Variants in CUL9 observed in about 807,000 individuals in gnomAD.
The protein encoded by CUL9 is cullin 9.
A neutral mutation model predicts 272.6 loss-of-function variants in CUL9; 79 were observed. That is an observed-to-expected ratio of 0.29 (90% confidence interval 0.24 to 0.35). The LOEUF (loss-of-function observed/expected upper bound fraction) is 0.35, where lower values mean the gene tolerates loss of function less well. CUL9 is among the 10% of genes least tolerant of loss of function. The pLI is 1.00. For missense variants in CUL9, 2,532 were observed against 3,255.6 expected, an observed-to-expected ratio of 0.78 and a Z score of 5.41; for synonymous variants, 1,186 against 1,286.5, an observed-to-expected ratio of 0.92 and a Z score of 1.67.
rs139036736 is a variant in CUL9, at chr6:43,185,512, A to C, written c.652A>C (p.Met218Leu). ...LSQQDGIEQH[M>L]DFDSRYTLLE... ...CCAGCAAGATGGCATCGAGCAGCACATGGATTTTGACAGTCGCTATACATT... is the reference window on the plus strand; with the variant it reads ...CCAGCAAGATGGCATCGAGCAGCACCTGGATTTTGACAGTCGCTATACATT... The change falls in exon 3 of 41, where the codon ATG (methionine) becomes CTG (leucine). Residue 218 changes from methionine to leucine, a missense_variant. By Grantham distance (15) the Met-to-Leu change is conservative. Coordinates refer to ENST00000252050, the MANE Select transcript of CUL9 (RefSeq NM_015089.4). The C allele has an allele frequency of 2.5e-6, 4 of 1,613,948 alleles. No homozygotes were observed. The highest frequency in any genetic ancestry group is 8.5e-7 in the Non-Finnish European group (1 of 1,180,044).
At chr6:43,198,880 G>A (rs1435929602) in intron 12 of CUL9, 25 bp downstream of exon 12, 1 of 1,602,390 alleles carries the variant, frequency 6.2e-7, no homozygotes, top group Non-Finnish European at 8.5e-7. Flanking sequence ...GAGGCACCAT[G>A]CATTGGGACG....
At position 43,203,826 on chromosome 6, in the gene CUL9, T is replaced by A. The variant is rs753417140; in HGVS notation, c.4026-28T>A. The A allele has an allele frequency of 1.3e-6, 2 of 1,576,694 alleles. No homozygotes were observed. The highest frequency in any genetic ancestry group is 2.7e-5 in the African/African-American group (2 of 74,178). On this transcript the variant is annotated intron_variant, in intron 19 of 40. Transcript: ENST00000252050. The surrounding 1 kb of genome is among the most constrained non-coding windows in gnomAD (Gnocchi z 5.0). ...GCCTCTGGGAAATCGGTGCCATTAA[T>A]CCTCCGCCATGCACTGTTTGTTCCC...
At chr6:43,212,929 G>A (rs955389581) in intron 26 of CUL9, 5 of 532,438 alleles carry the variant, frequency 9.4e-6, no homozygotes, top group South Asian at 5.3e-5. Context: ...AGGGCTAGGC[G>A]CTGGGTCTAG....
rs1776579762 is a variant in CUL9 at position 43,223,790 on chromosome 6, A to C, written c.7285-305A>C. On this transcript the variant is annotated intron_variant, in intron 39 of 40. Coordinates refer to ENST00000252050, the MANE Select transcript of CUL9 (RefSeq NM_015089.4). The surrounding 1 kb of genome is among the most constrained non-coding windows in gnomAD (Gnocchi z 4.1). ...GGCTCTCTCCAGCTCTAATGCACTG[A>C]TGCTGAGTCTAAACTGTGAGTCCTG... is the stretch of plus-strand genomic sequence containing the variant. 5.8e-6 allele frequency: 3 copies of C among 519,130 alleles called. No homozygotes were observed. The highest frequency in any genetic ancestry group is 7.0e-6 in the Non-Finnish European group (2 of 286,272). 32.2% of individuals were successfully genotyped at this position (519,130 alleles called of 1,614,324 possible).
rs139405832 is a variant in CUL9, at chr6:43,209,625, G to A, written c.5212+3115G>A. On this transcript the variant is annotated intron_variant, in intron 26 of 40. Transcript: ENST00000252050. ...GTCTTTTATGACATTGAGATTTCTGGAGAATACGGTCCTTTTCTTTTCTTT... is the reference window on the plus strand; with the variant it reads ...GTCTTTTATGACATTGAGATTTCTGAAGAATACGGTCCTTTTCTTTTCTTT... Among the ~76,000 whole-genome samples the A allele has an allele frequency of 4.6e-5, 7 of 152,024 alleles. No homozygotes were observed. The East Asian group carries it at 1.2e-3, about 25-fold the overall frequency.
chr6:43,197,024 C>T (rs1181582377), intron 11 of CUL9, among the ~76,000 whole-genome samples, 162 bp downstream of exon 11: 1 of 151,994 alleles, frequency 6.6e-6, no homozygotes, highest in Non-Finnish European at 1.5e-5. Context: ...AAGAGGGAGA[C>T]TGTGGAATAT....
chr6:43,196,820 C>G lies in CUL9; in HGVS notation c.2761C>G (p.Leu921Val). 1 of 1,614,216 alleles carries G rather than the reference C, an allele frequency of 6.2e-7. No individual in the cohort carries two copies. Among genetic ancestry groups the G allele is most frequent in the Non-Finnish European group, 8.5e-7 (1 of 1,180,050 alleles). Residue 921 changes from leucine (L) to valine (V), a missense_variant, in exon 11 of 41, where the codon CTC becomes GTC. Leu to Val is a conservative substitution (Grantham distance 32). Transcript: ENST00000252050. ...PTTRTILMML[L>V]NRYSEPPGSP... ...CACACGCACCATCCTCATGATGCTTCTCAATCGCTACTCAGAGCCGCCGGG... is the reference window on the plus strand; with the variant it reads ...CACACGCACCATCCTCATGATGCTTGTCAATCGCTACTCAGAGCCGCCGGG...
chr6:43,196,917 T>C, intron 11 of CUL9, 55 bp downstream of exon 11: 1 of 1,410,758 alleles, frequency 7.1e-7, no homozygotes, highest in South Asian at 1.2e-5. Context: ...CAGCCAGGTT[T>C]ACATATCAGC....
intron 21 of CUL9, 89 bp downstream of exon 21, chr6:43,204,628 G>C: frequency 6.3e-7 from 1 of 1,585,960 alleles, no homozygotes; most frequent in Non-Finnish European, 8.6e-7. Context: ...TTGCTGCTTT[G>C]CTACCGGCCT....
chr6:43,186,430 G>T lies in CUL9; in HGVS notation c.1226G>T (p.Ser409Ile), dbSNP rs1220433379. Residue 409 changes from serine to isoleucine, a missense_variant, in exon 4 of 41, where the codon AGC (serine) becomes ATC (isoleucine). Coordinates refer to ENST00000252050, the MANE Select transcript of CUL9 (RefSeq NM_015089.4). ...SAGDEGEFRQ[S>I]NNGIPPVQVF... ...GGGGACGAGGGCGAGTTCCGGCAGA[G>T]CAACAACGGCATTCCCCCTGTGCAG... The T allele has an allele frequency of 6.3e-7, 1 of 1,598,046 alleles. No homozygotes were observed. The highest frequency in any genetic ancestry group is 1.3e-5 in the African/African-American group (1 of 74,828).
At position 43,206,043 on chromosome 6, in the gene CUL9, G is replaced by T; in HGVS notation, c.4830G>T (p.Ser1610=). 6.2e-7 allele frequency: 1 copy of T among 1,614,072 alleles called. No homozygotes were observed. The highest frequency in any genetic ancestry group is 8.5e-7 in the Non-Finnish European group (1 of 1,179,998). ...YMADRLLSFG[S]SWLEGAVLEQ... ...CGGACCGTCTCCTGAGCTTTGGTTC[G>T]AGCTGGCTGGAGGGGGCTGTGCTAG... Residue 1610 remains serine (S), a synonymous_variant, in exon 25 of 41, where the codon TCG becomes TCT. Coordinates refer to ENST00000252050, the MANE Select transcript of CUL9 (RefSeq NM_015089.4). The surrounding 1 kb of genome is among the most constrained non-coding windows in gnomAD (Gnocchi z 4.8).
At chr6:43,188,985 T>A (rs1481519385) in intron 8 of CUL9, 6 of 311,332 alleles carry the variant, frequency 1.9e-5, no homozygotes, top group Non-Finnish European at 3.0e-5. Context: ...ATTATTATCC[T>A]ACTATATGGG....
chr6:43,197,734 G>A (rs1774144634), intron 11 of CUL9, among the ~76,000 whole-genome samples: 1 of 152,090 alleles, frequency 6.6e-6, no homozygotes, highest in Non-Finnish European at 1.5e-5. Flanking sequence ...TGACCGCCTT[G>A]GCCTCCCAAA....
At chr6:43,215,351 C>G (rs1377760259) in intron 30 of CUL9, 25 bp downstream of exon 30, 5 of 1,579,988 alleles carry the variant, frequency 3.2e-6, no homozygotes, top group Non-Finnish European at 4.3e-6. Flanking sequence ...TGACCCCTTG[C>G]AGTGAGGCGG....
Position 43,220,861 on chromosome 6 carries a change from A to G in CUL9, c.6538A>G (p.Thr2180Ala). The change falls in exon 33 of 41, where the codon ACC becomes GCC. Residue 2180 changes from threonine to alanine, a missense_variant. This residue lies in a region of CUL9 where 77 missense variants were observed against 161.1 expected (regional missense o/e 0.48). Coordinates refer to ENST00000252050, the MANE Select transcript of CUL9 (RefSeq NM_015089.4). The surrounding 1 kb of genome is among the most constrained non-coding windows in gnomAD (Gnocchi z 4.9). ...CCGCCAGGGCCTGGGCTGTGGGACCACCTGCTCCAAGTGTGGCTGGGCCTC... is the reference window on the plus strand; with the variant it reads ...CCGCCAGGGCCTGGGCTGTGGGACCGCCTGCTCCAAGTGTGGCTGGGCCTC... ...LCRQGLGCGTTCSKCGWASCF... is the reference protein window; with the variant it reads ...LCRQGLGCGTACSKCGWASCF... 1 of 1,613,584 alleles carries G rather than the reference A, an allele frequency of 6.2e-7. No individual in the cohort carries two copies. Among genetic ancestry groups the G allele is most frequent in the Non-Finnish European group, 8.5e-7 (1 of 1,179,866 alleles).
In CUL9 at chr6:43,204,915, T is replaced by A. The variant is rs377446780; in HGVS notation, c.4450-18T>A. ...GAGGGGCTGCTCCTTTTATGTCATT[T>A]CTTGCCTTTCTCCTCAGGTCAGCAG... On this transcript the variant is annotated intron_variant, in intron 22 of 40. Coordinates refer to ENST00000252050, the MANE Select transcript of CUL9 (RefSeq NM_015089.4). The A allele has an allele frequency of 1.6e-5, 25 of 1,608,804 alleles. No individual in the cohort carries two copies. In the African/African-American group the frequency reaches 2.3e-4, roughly 15 times the overall value.
Position 43,184,432 on chromosome 6 carries a change from G to A in CUL9, c.122G>A (p.Arg41Gln), listed in dbSNP as rs763989882. The A allele has an allele frequency of 1.2e-5, 19 of 1,613,768 alleles. 1 individual carries two copies. The highest frequency in any genetic ancestry group is 1.1e-4 in the East Asian group (5 of 44,872). Residue 41 changes from arginine (R) to glutamine (Q), a missense_variant, in exon 2 of 41, where the codon CGA becomes CAA. Physicochemically the swap from Arg to Gln is conservative, Grantham distance 43. Coordinates refer to ENST00000252050, the MANE Select transcript of CUL9 (RefSeq NM_015089.4). This position sits in a 1 kb window ranked among gnomAD's most constrained non-coding sequence, Gnocchi z 4.8. ...GHDGHPEYLI[R>Q]WSVLKCGEVG... Reference sequence around the variant, plus strand: ...GACGGGCATCCTGAATACCTGATCCGATGGAGTGTCCTGAAGTGTGGGGAA... The same window carrying A: ...GACGGGCATCCTGAATACCTGATCCAATGGAGTGTCCTGAAGTGTGGGGAA...
In CUL9 at chr6:43,223,591, T is replaced by C. The variant is rs1354300175; in HGVS notation, c.7284+194T>C. The C allele has an allele frequency of 1.4e-5, 9 of 656,512 alleles. No individual in the cohort carries two copies. Among genetic ancestry groups the C allele is most frequent in the Non-Finnish European group, 2.3e-5 (9 of 393,970 alleles). The allele number at this position is 656,512 out of a possible 1,614,324, so 40.7% of individuals were successfully genotyped here. On this transcript the variant is annotated intron_variant, in intron 39 of 40. Transcript: ENST00000252050. The surrounding 1 kb of genome is among the most constrained non-coding windows in gnomAD (Gnocchi z 4.1). Reference sequence around the variant, plus strand: ...TGCTGCTGGACCCTATCACTTCACCTCCTGGGGATTCCTACAAAATAAAGG... The same window carrying C: ...TGCTGCTGGACCCTATCACTTCACCCCCTGGGGATTCCTACAAAATAAAGG...
intron 29 of CUL9, among the ~76,000 whole-genome samples, chr6:43,214,632 C>T (rs948047183): frequency 1.3e-5 from 2 of 151,988 alleles, no homozygotes; most frequent in Non-Finnish European, 2.9e-5. Context: ...GAAACCCCAT[C>T]TCTACTAAAA....
Sources: gnomAD v4.1 joint callset for allele counts (sites outside exome capture counted in the v4.1 genomes callset) on GRCh38, gnomAD v4.1.1 for gene constraint, gnomAD v4.1.1 regional missense constraint, Gnocchi (gnomAD v3.1) non-coding constraint, MANE v1.5 for transcripts, NCBI Gene and HGNC (gene_info 2026-07-23, HGNC 2026-07-21) for gene names.